Variants in ACSM5 observed in about 807,000 individuals in gnomAD.
ACSM5 encodes the protein acyl-CoA synthetase medium chain family member 5.
In ACSM5, 56 loss-of-function variants were observed where a neutral mutation model predicts 71.6. The observed-to-expected ratio is 0.78, with a 90% CI of 0.63 to 0.98. The LOEUF (loss-of-function observed/expected upper bound fraction) is 0.98, where lower values mean the gene tolerates loss of function less well. Among genes scored for constraint, ACSM5 ranks in the 50% least tolerant of loss-of-function variants. The pLI is 0.00. For synonymous variants in ACSM5, 285 were observed against 281.5 expected (o/e 1.01, Z -0.12); for missense variants, 723 against 726.0 (o/e 1.00, Z 0.05).
chr16:20,438,596 A>G (rs1228735379), intron 12 of ACSM5, among the ~76,000 whole-genome samples: 4 of 151,816 alleles, frequency 2.6e-5, no homozygotes, highest in Non-Finnish European at 5.9e-5. Flanking sequence ...GGACTGTGAC[A>G]AATGGCTGTG....
intron 6 of ACSM5, among the ~76,000 whole-genome samples, chr16:20,426,408 T>G (rs367590538): frequency 0.045 from 6,840 of 152,244 alleles, 167 homozygotes; most frequent in Middle Eastern, 0.061. Context: ...GAGGGGTTTT[T>G]GGAGCAGGGT....
chr16:20,424,804 T>A (rs987099143), intron 6 of ACSM5, among the ~76,000 whole-genome samples: 1 of 152,196 alleles, frequency 6.6e-6, no homozygotes, highest in African/African-American at 2.4e-5. Context: ...GAGAATGAAA[T>A]GATACAAGGC....
chr16:20,416,244 G>A (rs112256380), intron 2 of ACSM5, among the ~76,000 whole-genome samples: 3 of 148,718 alleles, frequency 2.0e-5, no homozygotes, highest in Non-Finnish European at 3.0e-5. Context: ...TCAAAAACTC[G>A]TATGGAAATG....
chr16:20,411,632 C>T lies in ACSM5; in HGVS notation c.148C>T (p.Pro50Ser). Residue 50 changes from proline to serine, a missense_variant, in exon 2 of 14, where the codon CCT (proline) becomes TCT (serine). Physicochemically the swap from Pro to Ser is moderately conservative, Grantham distance 74. Coordinates refer to ENST00000331849, the MANE Select transcript of ACSM5 (RefSeq NM_017888.3). ...CATCAGCCTGGGAAGGCAGCTGGTG[C>T]CTGAGTACTTCAACTTCGCCCATGA... Reference protein sequence around the residue: ...EAISLGRQLVPEYFNFAHDVL... With the variant: ...EAISLGRQLVSEYFNFAHDVL... The T allele has an allele frequency of 6.2e-7, 1 of 1,614,062 alleles. No individual in the cohort carries two copies. Among genetic ancestry groups the T allele is most frequent in the Non-Finnish European group, 8.5e-7 (1 of 1,180,004 alleles).
rs148311951 is a variant in ACSM5 at position 20,412,716 on chromosome 16, A to G, written c.204+1028A>G. Among the ~76,000 whole-genome samples the G allele has an allele frequency of 2.4e-3, 359 of 152,336 alleles. 1 individual carries two copies. Among genetic ancestry groups the G allele is most frequent in the Non-Finnish European group, 3.6e-3 (247 of 68,034 alleles). On this transcript the variant is annotated intron_variant, in intron 2 of 13. Transcript: ENST00000331849. ...CAAATGTTTAACTTCATTGTTGCCT[A>G]AGGTGGTGGATAACAGTAGGCACAA...
intron 10 of ACSM5, among the ~76,000 whole-genome samples, chr16:20,432,364 A>G (rs1323679763): frequency 6.6e-6 from 1 of 152,208 alleles, no homozygotes; most frequent in Non-Finnish European, 1.5e-5. Context: ...GCTGTCAATC[A>G]GCTACAGAAT....
intron 12 of ACSM5, among the ~76,000 whole-genome samples, chr16:20,437,888 T>C (rs894098710): frequency 6.6e-6 from 1 of 151,648 alleles, no homozygotes; most frequent in Middle Eastern, 3.2e-3. Flanking sequence ...AGTGGCATGA[T>C]CTTGGCTCAC....
At chr16:20,436,012 T>C (rs191232438) in intron 10 of ACSM5, among the ~76,000 whole-genome samples, 26 of 130,244 alleles carry the variant, frequency 2.0e-4, no homozygotes, top group Non-Finnish European at 3.3e-4. Flanking sequence ...TTTCTTTCTT[T>C]TTTCTTCATT....
At chr16:20,423,118 A>T (rs1966910239) in intron 5 of ACSM5, among the ~76,000 whole-genome samples, 2 of 152,164 alleles carry the variant, frequency 1.3e-5, no homozygotes, top group Non-Finnish European at 2.9e-5. Context: ...ATGAGATGGG[A>T]TGAGATCAGC....
At chr16:20,410,396 G>A (rs1490908997) in intron 1 of ACSM5, among the ~76,000 whole-genome samples, 2 of 152,112 alleles carry the variant, frequency 1.3e-5, no homozygotes, top group African/African-American at 4.8e-5. Flanking sequence ...GTAGGGTGGG[G>A]TCCCATCTGC....
rs1211808162 is a variant in ACSM5 at position 20,429,682 on chromosome 16, C to G, written c.1006C>G (p.Gln336Glu). 1.2e-6 allele frequency: 2 copies of G among 1,613,888 alleles called. No individual in the cohort carries two copies. The highest frequency in any genetic ancestry group is 2.2e-5 in the East Asian group (1 of 44,836). The change falls in exon 8 of 14, where the codon CAG becomes GAG. Residue 336 changes from glutamine (Q) to glutamate (E), a missense_variant. Coordinates refer to ENST00000331849, the MANE Select transcript of ACSM5 (RefSeq NM_017888.3). ...LLVQEDLTRY[Q>E]FQSLRHCLTG... ...TTGTTTTCCTGTCTGAGAAAGGTACCAGTTTCAGAGCCTGAGGCACTGTCT... is the reference window on the plus strand; with the variant it reads ...TTGTTTTCCTGTCTGAGAAAGGTACGAGTTTCAGAGCCTGAGGCACTGTCT...
intron 4 of ACSM5, 117 bp from the exon 5 acceptor site, chr16:20,421,141 A>G (rs1378719398): frequency 1.7e-5 from 23 of 1,317,974 alleles, no homozygotes; most frequent in Non-Finnish European, 3.0e-6. Flanking sequence ...AGCTTTCAGC[A>G]CAGCACCTCA....
intron 6 of ACSM5, among the ~76,000 whole-genome samples, chr16:20,426,175 AC>A (rs907735083): frequency 6.6e-6 from 1 of 152,154 alleles, no homozygotes; most frequent in African/African-American, 2.4e-5. Context: ...TAGATTCTTA[AC>A]CCATATTGAT....
chr16:20,433,374 C>T (rs922367637), intron 10 of ACSM5, among the ~76,000 whole-genome samples: 12 of 152,198 alleles, frequency 7.9e-5, no homozygotes, highest in Middle Eastern at 3.4e-3. Flanking sequence ...TGAATATGCC[C>T]GTGTCAACTG....
Position 20,411,450 on chromosome 16 carries a change from T to G in ACSM5, c.-15-20T>G. 1 of 1,606,468 alleles carries G rather than the reference T, an allele frequency of 6.2e-7. No individual in the cohort carries two copies. Among genetic ancestry groups the G allele is most frequent in the Middle Eastern group, 1.7e-4 (1 of 6,002 alleles). On this transcript the variant is annotated intron_variant, in intron 1 of 13. Coordinates refer to ENST00000331849, the MANE Select transcript of ACSM5 (RefSeq NM_017888.3). The stretch of plus-strand genomic sequence containing the variant: ...GCCCAGAATTTATGACAATGCCCTC[T>G]TTCCTCTCTTTGGTGACAGACAGGA...
chr16:20,421,192 C>T, intron 4 of ACSM5, 66 bp from the exon 5 acceptor site: 4 of 1,476,598 alleles, frequency 2.7e-6, no homozygotes, highest in Non-Finnish European at 3.6e-6. Flanking sequence ...TGTTGTTACA[C>T]ATATTATTGG....
At position 20,440,579 on chromosome 16, in the gene ACSM5, A is replaced by T; in HGVS notation, c.*152A>T. 3.0e-6 allele frequency: 2 copies of T among 672,048 alleles called. No homozygotes were observed. Among genetic ancestry groups the T allele is most frequent in the Non-Finnish European group, 5.2e-6 (2 of 381,146 alleles). The allele number at this position is 672,048 out of a possible 1,614,324, so 41.6% of individuals were successfully genotyped here. ...ACGGCATCCCCAGGATCACTGGGCA[A>T]TGCTGGAAAGAGCAAAAGAATATCA... On this transcript the variant is annotated 3_prime_UTR_variant, in exon 14 of 14. Transcript: ENST00000331849.
At chr16:20,415,343 G>T (rs1173528542) in intron 2 of ACSM5, among the ~76,000 whole-genome samples, 2 of 152,206 alleles carry the variant, frequency 1.3e-5, no homozygotes, top group African/African-American at 4.8e-5. Flanking sequence ...AAAAGTCACA[G>T]AGAGCTTTTT....
rs1283292254 is a variant in ACSM5 at position 20,440,998 on chromosome 16, A to T, written c.*571A>T. 6.6e-6 allele frequency: 1 copy of T among 152,266 alleles called. No homozygotes were observed. The highest frequency in any genetic ancestry group is 1.5e-5 in the Non-Finnish European group (1 of 68,102). 9.4% of individuals were successfully genotyped at this position (152,266 alleles called of 1,614,324 possible). ...AAAATTAACAATTAACATCCAAACA[A>T]CAAGGAAATGATTAACAAAATTGTA... On this transcript the variant is annotated 3_prime_UTR_variant, in exon 14 of 14. Coordinates refer to ENST00000331849, the MANE Select transcript of ACSM5 (RefSeq NM_017888.3).
Sources: allele counts gnomAD v4.1 joint callset (sites outside exome capture counted in the v4.1 genomes callset), GRCh38; gene constraint gnomAD v4.1.1; transcripts MANE v1.5; gene names NCBI Gene and HGNC (gene_info 2026-07-23, HGNC 2026-07-21).